SAMMSON: variants seen among roughly 807,000 people sequenced by gnomAD.
SAMMSON encodes the protein long intergenic non-protein coding RNA 1212.
chr3:70,126,715 T>G, intron 4 of SAMMSON: 1 of 251,502 alleles, frequency 4.0e-6, no homozygotes, highest in South Asian at 5.0e-5. Context: ...TGTTTTTGTT[T>G]TTGTTTTTTG....
At chr3:70,265,292 G>GA (rs1701906135) in intron 6 of SAMMSON, among the ~76,000 whole-genome samples, 1 of 152,120 alleles carries the variant, frequency 6.6e-6, no homozygotes, top group Non-Finnish European at 1.5e-5. Context: ...GAAGAAGGGA[G>GA]AAAAAACTAA....
chr3:70,174,422 C>G (rs950859322), intron 4 of SAMMSON, among the ~76,000 whole-genome samples: 1 of 151,926 alleles, frequency 6.6e-6, no homozygotes, highest in South Asian at 2.1e-4. Context: ...AATCCAGGCT[C>G]AGGGTCCAGC....
At chr3:70,267,081 A>G (rs1265611985) in intron 6 of SAMMSON, among the ~76,000 whole-genome samples, 1 of 152,082 alleles carries the variant, frequency 6.6e-6, no homozygotes, top group African/African-American at 2.4e-5. Flanking sequence ...AAGTTGGGTC[A>G]CTCCCCAAAA....
At chr3:70,402,072 C>A (rs183408527) in intron 2 of SAMMSON, among the ~76,000 whole-genome samples, 1 of 152,042 alleles carries the variant, frequency 6.6e-6, no homozygotes, top group East Asian at 1.9e-4. Context: ...TTATTATGTC[C>A]TTGTCTTTCA....
intron 7 of SAMMSON, among the ~76,000 whole-genome samples, chr3:70,337,028 A>T (rs920215029): frequency 1.4e-4 from 19 of 138,656 alleles, no homozygotes; most frequent in African/African-American, 2.1e-4. Flanking sequence ...ATTATTATTA[A>T]TAATAATATC....
chr3:70,335,906 C>T (rs569279219), intron 7 of SAMMSON, among the ~76,000 whole-genome samples: 3 of 151,796 alleles, frequency 2.0e-5, no homozygotes. Flanking sequence ...AACCAGGAGA[C>T]CCCATCTTGG....
downstream of SAMMSON, among the ~76,000 whole-genome samples, chr3:70,391,642 A>G (rs540713541): frequency 5.3e-5 from 8 of 152,266 alleles, no homozygotes; most frequent in African/African-American, 1.9e-4. Flanking sequence ...TCCTATTTTA[A>G]TAATTAATTA....
intron 4 of SAMMSON, chr3:70,071,607 C>T (rs1328189206): frequency 1.3e-5 from 2 of 151,960 alleles, no homozygotes; most frequent in East Asian, 3.9e-4. Context: ...CATACGTAAT[C>T]AGATACCTGT....
At chr3:70,256,071 A>T (rs1701812743) in intron 6 of SAMMSON, among the ~76,000 whole-genome samples, 1 of 152,238 alleles carries the variant, frequency 6.6e-6, no homozygotes, top group Non-Finnish European at 1.5e-5. Context: ...GTAACAATAT[A>T]CTTAGAAATT....
intron 4 of SAMMSON, among the ~76,000 whole-genome samples, chr3:70,142,698 C>CA: frequency 6.6e-6 from 1 of 152,040 alleles, no homozygotes; most frequent in East Asian, 1.9e-4. Flanking sequence ...AAAAATCTGA[C>CA]AAAAAATAAA....
chr3:70,212,413 T>G (rs185414437), intron 4 of SAMMSON, among the ~76,000 whole-genome samples: 18 of 152,270 alleles, frequency 1.2e-4, no homozygotes, highest in African/African-American at 3.4e-4. Flanking sequence ...CAATTTGTCT[T>G]TATTGTATTG....
intron 7 of SAMMSON, among the ~76,000 whole-genome samples, chr3:70,334,022 T>G (rs970497647): frequency 1.3e-5 from 2 of 152,204 alleles, no homozygotes; most frequent in African/African-American, 4.8e-5. Context: ...TTCAATGGCT[T>G]TCAGAATATT....
At chr3:70,005,393 G>T (rs1188206272) in intron 1 of SAMMSON, among the ~76,000 whole-genome samples, 4 of 152,170 alleles carry the variant, frequency 2.6e-5, no homozygotes, top group Non-Finnish European at 5.9e-5. Context: ...ACAAGAAGAT[G>T]CTACTTACTT....
chr3:70,138,290 T>C (rs1576132269), intron 4 of SAMMSON, among the ~76,000 whole-genome samples: 1 of 152,326 alleles, frequency 6.6e-6, no homozygotes, highest in East Asian at 1.9e-4. Flanking sequence ...AACAAAGATA[T>C]CATAAAACTG....
At chr3:70,112,996 G>T (rs1401838490) in intron 4 of SAMMSON, among the ~76,000 whole-genome samples, 1 of 152,066 alleles carries the variant, frequency 6.6e-6, no homozygotes, top group East Asian at 1.9e-4. Context: ...AACATGTCTG[G>T]ATCTAGGATT....
At chr3:70,137,621 C>T (rs1203535209) in intron 4 of SAMMSON, 4 of 152,162 alleles carry the variant, frequency 2.6e-5, no homozygotes, top group Admixed American at 6.5e-5. Flanking sequence ...TCCCAGTCTA[C>T]ACTTACACTG....
chr3:70,419,771 T>TGAGACTAC (rs1196120226), intron 2 of SAMMSON, among the ~76,000 whole-genome samples: 10 of 152,124 alleles, frequency 6.6e-5, no homozygotes, highest in Non-Finnish European at 2.9e-5. Flanking sequence ...CCCGAGTAGC[T>TGAGACTAC]GAGACTACGG....
At chr3:70,066,598 T>C (rs2067211127) in intron 3 of SAMMSON, among the ~76,000 whole-genome samples, 1 of 152,128 alleles carries the variant, frequency 6.6e-6, no homozygotes, top group Admixed American at 6.6e-5. Context: ...CAGAGTATCA[T>C]ATTTATATCA....
intron 4 of SAMMSON, among the ~76,000 whole-genome samples, chr3:70,129,119 A>G (rs1229553047): frequency 1.3e-5 from 2 of 152,172 alleles, no homozygotes; most frequent in Non-Finnish European, 2.9e-5. Flanking sequence ...GATTATATGT[A>G]TCTGGCCTGT....
Sources: allele counts gnomAD v4.1 joint callset (sites outside exome capture counted in the v4.1 genomes callset), GRCh38; gene constraint gnomAD v4.1.1; transcripts MANE v1.5; gene names NCBI Gene and HGNC (gene_info 2026-07-23, HGNC 2026-07-21).